SDK1: variants seen among roughly 807,000 people sequenced by gnomAD.
The protein encoded by SDK1 is protein sidekick-1.
A neutral mutation model predicts 245.5 loss-of-function variants in SDK1; 157 were observed. The ratio of observed to expected loss-of-function variants is 0.64; its 90% CI spans 0.56 to 0.73. The LOEUF (loss-of-function observed/expected upper bound fraction) is 0.73. Among genes scored for constraint, SDK1 ranks in the 30% least tolerant of loss-of-function variants. SDK1 has a pLI of 0.00. For synonymous variants in SDK1, 1,647 were observed against 1,278.5 expected, an observed-to-expected ratio of 1.29 and a Z score of -6.15; for missense variants, 3,583 against 3,002.3, an observed-to-expected ratio of 1.19 and a Z score of -4.52.
chr7:3,880,638 G>C (rs892493512), intron 5 of SDK1, among the ~76,000 whole-genome samples: 3 of 150,114 alleles, frequency 2.0e-5, no homozygotes, highest in African/African-American at 7.4e-5. Context: ...ATCCCAGAGG[G>C]CTGAGTGCTG....
chr7:3,978,691 T>A (rs1783157518), intron 13 of SDK1, among the ~76,000 whole-genome samples: 1 of 152,206 alleles, frequency 6.6e-6, no homozygotes. Context: ...TCTGTCCTTC[T>A]TGGGTAACTT....
At chr7:3,658,802 G>C (rs374617908) in intron 4 of SDK1, among the ~76,000 whole-genome samples, 204 of 152,098 alleles carry the variant, frequency 1.3e-3, no homozygotes, top group African/African-American at 4.8e-3. Flanking sequence ...ATTTTTAGTA[G>C]ATATGTGGTT....
intron 1 of SDK1, among the ~76,000 whole-genome samples, chr7:3,358,693 C>T (rs7791898): frequency 0.53 from 80,799 of 151,554 alleles, 22,955 homozygotes; most frequent in African/African-American, 0.75. Context: ...TGATACTGAT[C>T]TTGAGAATGA....
intron 1 of SDK1, among the ~76,000 whole-genome samples, chr7:3,467,503 A>G (rs1781045984): frequency 1.3e-5 from 2 of 151,528 alleles, no homozygotes; most frequent in African/African-American, 4.9e-5. Flanking sequence ...TGGTATTTGG[A>G]GAAATTAGCT....
rs193074553 is a variant in SDK1 at position 3,715,928 on chromosome 7, A to G, written c.713+73823A>G. Among the ~76,000 whole-genome samples, 137 of 152,330 alleles carry G rather than the reference A, an allele frequency of 9.0e-4. 1 individual carries two copies. Among genetic ancestry groups the G allele is most frequent in the African/African-American group, 3.2e-3 (134 of 41,576 alleles). ...TCCTTGAACAAATGAAGAAATAGAAAAATCTCAGCAAAGAAGAAGAAATTA... is the reference window on the plus strand; with the variant it reads ...TCCTTGAACAAATGAAGAAATAGAAGAATCTCAGCAAAGAAGAAGAAATTA... On this transcript the variant is annotated intron_variant, in intron 4 of 44. Transcript: ENST00000404826.
Position 3,720,773 on chromosome 7 carries a change from G to A in SDK1, c.713+78668G>A, listed in dbSNP as rs534790567. 5.6e-4 allele frequency among the ~76,000 whole-genome samples: 85 copies of A among 152,258 alleles called. No homozygotes were observed. In the Middle Eastern group the frequency reaches 0.01, roughly 18 times the overall value. On this transcript the variant is annotated intron_variant, in intron 4 of 44. Coordinates refer to ENST00000404826, the MANE Select transcript of SDK1 (RefSeq NM_152744.4). ...GCATATCTCAGAGAATGAAAACTAC[G>A]TTCACACAAAAACCTGTACATGAGT... is the stretch of plus-strand genomic sequence containing the variant.
chr7:4,083,734 A>ACTTTCTCCCTTCTTTACTTCCTCCC (rs1562785192), intron 22 of SDK1, among the ~76,000 whole-genome samples: 1 of 4,114 alleles, frequency 2.4e-4, no homozygotes, highest in African/African-American at 7.0e-4. Context: ...TACTTCCTCC[A>ACTTTCTCCCTTCTTTACTTCCTCCC]TCCCTCCCTT....
chr7:3,535,143 A>T (rs1388755429), intron 1 of SDK1, among the ~76,000 whole-genome samples: 7 of 151,996 alleles, frequency 4.6e-5, no homozygotes, highest in Admixed American at 4.6e-4. Flanking sequence ...GGGCATGGTG[A>T]TACGCACCTG....
At chr7:4,243,315 C>T (rs1395226739) in intron 43 of SDK1, among the ~76,000 whole-genome samples, 1 of 152,094 alleles carries the variant, frequency 6.6e-6, no homozygotes, top group Non-Finnish European at 1.5e-5. Context: ...CCACAAAGAC[C>T]CAAGGACAAA....
chr7:3,619,926 AC>A (rs1781882917), intron 2 of SDK1, among the ~76,000 whole-genome samples: 1 of 152,182 alleles, frequency 6.6e-6, no homozygotes, highest in South Asian at 2.1e-4. Context: ...TCAGGGTCTT[AC>A]CACGCTTCAG....
At chr7:3,627,673 C>A (rs1412878051) in intron 2 of SDK1, among the ~76,000 whole-genome samples, 1 of 152,168 alleles carries the variant, frequency 6.6e-6, no homozygotes, top group Non-Finnish European at 1.5e-5. Context: ...GGAGCTGTTG[C>A]TTTTGGATTC....
intron 1 of SDK1, among the ~76,000 whole-genome samples, chr7:3,499,148 A>G (rs1290750097): frequency 6.6e-6 from 1 of 152,078 alleles, no homozygotes; most frequent in Non-Finnish European, 1.5e-5. Flanking sequence ...GTTTGGAAAA[A>G]CCTGGCTTTC....
intron 1 of SDK1, among the ~76,000 whole-genome samples, chr7:3,614,085 C>T (rs188555560): frequency 1.3e-5 from 2 of 152,084 alleles, no homozygotes; most frequent in Admixed American, 1.3e-4. Flanking sequence ...CACAAGTTTA[C>T]CTATGTAACA....
At chr7:3,527,058 G>C (rs1189123946) in intron 1 of SDK1, among the ~76,000 whole-genome samples, 3 of 152,088 alleles carry the variant, frequency 2.0e-5, no homozygotes, top group Non-Finnish European at 4.4e-5. Flanking sequence ...GCTCTTGATA[G>C]TGCTAGTGGT....
At chr7:3,880,297 G>A (rs1445277974) in intron 5 of SDK1, among the ~76,000 whole-genome samples, 2 of 152,164 alleles carry the variant, frequency 1.3e-5, no homozygotes, top group African/African-American at 2.4e-5. Flanking sequence ...CAGACCAGCC[G>A]TACCCAGCAG....
chr7:4,036,200 G>T (rs1471956671), intron 17 of SDK1, among the ~76,000 whole-genome samples: 1 of 152,188 alleles, frequency 6.6e-6, no homozygotes, highest in Admixed American at 6.5e-5. Flanking sequence ...TTTTTCCTTA[G>T]TTGAGAGCAA....
intron 1 of SDK1, among the ~76,000 whole-genome samples, chr7:3,360,337 C>T (rs998621679): frequency 1.3e-5 from 2 of 152,160 alleles, no homozygotes; most frequent in African/African-American, 4.8e-5. Flanking sequence ...TTAGGAACTA[C>T]TGGGGCAGAT....
intron 22 of SDK1, among the ~76,000 whole-genome samples, chr7:4,101,337 G>T (rs537965199): frequency 1.1e-4 from 16 of 152,164 alleles, no homozygotes; most frequent in African/African-American, 3.9e-4. Flanking sequence ...TAGTAGAGAC[G>T]GGAGTTTCAC....
intron 30 of SDK1, 29 bp from the exon 31 acceptor site, chr7:4,158,419 C>A: frequency 6.4e-7 from 1 of 1,572,856 alleles, no homozygotes; most frequent in Non-Finnish European, 8.7e-7. Context: ...GGCAGGGCCC[C>A]GGCAGTCACG....
Sources: allele counts gnomAD v4.1 joint callset (sites outside exome capture counted in the v4.1 genomes callset), GRCh38; gene constraint gnomAD v4.1.1; transcripts MANE v1.5; gene names NCBI Gene and HGNC (gene_info 2026-07-23, HGNC 2026-07-21).